The following VWC2L variants were observed in gnomAD, a reference collection of about 807,000 sequenced individuals.
VWC2L encodes von Willebrand factor C domain containing 2 like.
In VWC2L, 10 loss-of-function variants were observed where a neutral mutation model predicts 21.6. That is an observed-to-expected ratio of 0.46 (90% CI 0.29 to 0.78). VWC2L has a LOEUF of 0.78. VWC2L is among the 30% of genes least tolerant of loss of function. The probability of loss-of-function intolerance (pLI) is 0.10; values close to 1 mark genes in which losing one functional copy is unlikely to be tolerated. For synonymous variants in VWC2L, 96 were observed against 94.3 expected (o/e 1.02, Z -0.10); for missense variants, 209 against 277.1 (o/e 0.75, Z 1.74).
intron 3 of VWC2L, among the ~76,000 whole-genome samples, chr2:214,571,790 TTC>T (rs369932471): frequency 2.6e-5 from 4 of 151,278 alleles, no homozygotes; most frequent in Admixed American, 6.6e-5. Flanking sequence ...TTCATATTCA[TTC>T]TCTCTCTCTC....
chr2:214,549,463 G>A (rs1322446104), intron 3 of VWC2L, among the ~76,000 whole-genome samples: 1 of 152,212 alleles, frequency 6.6e-6, no homozygotes, highest in East Asian at 1.9e-4. Context: ...TTATGCTACT[G>A]CAAACAGACC....
At chr2:214,451,783 CAT>C (rs916045510) in intron 3 of VWC2L, among the ~76,000 whole-genome samples, 14 of 152,130 alleles carry the variant, frequency 9.2e-5, no homozygotes, top group African/African-American at 3.1e-4. Context: ...TTTCAAGTAA[CAT>C]ATTCTTTCTG....
At chr2:214,544,813 A>G (rs902247504) in intron 3 of VWC2L, among the ~76,000 whole-genome samples, 1 of 152,116 alleles carries the variant, frequency 6.6e-6, no homozygotes, top group African/African-American at 2.4e-5. Context: ...TACCAACCCT[A>G]CGAGGTAGAT....
At chr2:214,566,595 G>A (rs958060183) in intron 3 of VWC2L, among the ~76,000 whole-genome samples, 2 of 152,042 alleles carry the variant, frequency 1.3e-5, no homozygotes, top group Non-Finnish European at 2.9e-5. Context: ...TTTGTTTTTA[G>A]GTCTAATAAA....
intron 3 of VWC2L, among the ~76,000 whole-genome samples, chr2:214,542,169 T>C (rs1033968169): frequency 1.3e-5 from 2 of 152,192 alleles, no homozygotes; most frequent in African/African-American, 4.8e-5. Context: ...CTTGTCCTTG[T>C]GTGCAGTGCA....
At chr2:214,566,326 CA>C (rs991145251) in intron 3 of VWC2L, among the ~76,000 whole-genome samples, 1 of 152,108 alleles carries the variant, frequency 6.6e-6, no homozygotes, top group African/African-American at 2.4e-5. Flanking sequence ...AAAGAGCAGC[CA>C]ACCTTTACTT....
chr2:214,528,937 T>C (rs1440269839), intron 3 of VWC2L, among the ~76,000 whole-genome samples: 1 of 152,234 alleles, frequency 6.6e-6, no homozygotes, highest in Non-Finnish European at 1.5e-5. Context: ...ACTTCCACTA[T>C]ATGAAGTTGC....
At chr2:214,419,526 T>C (rs988340210) in intron 2 of VWC2L, among the ~76,000 whole-genome samples, 3 of 152,246 alleles carry the variant, frequency 2.0e-5, no homozygotes, top group African/African-American at 7.2e-5. Context: ...TTATACTACA[T>C]GTAGCTGAAA....
At chr2:214,518,836 T>C (rs1193011393) in intron 3 of VWC2L, among the ~76,000 whole-genome samples, 1 of 152,194 alleles carries the variant, frequency 6.6e-6, no homozygotes, top group Non-Finnish European at 1.5e-5. Context: ...AATTTATAAA[T>C]TGCAATGCAA....
In VWC2L at chr2:214,427,251, C is replaced by T. The variant is rs575542582; in HGVS notation, c.391-9378C>T. On this transcript the variant is annotated intron_variant, in intron 2 of 3. Transcript: ENST00000312504. ...TGTTCAGTGTAACTTTAATTTTCCC[C>T]CAACATTAAAAATAAAATCCTGCTA... 7.1e-4 allele frequency among the ~76,000 whole-genome samples: 108 copies of T among 152,188 alleles called. 1 individual carries two copies. The highest frequency in any genetic ancestry group is 2.6e-3 in the African/African-American group (107 of 41,520).
chr2:214,504,378 T>A (rs2105902536), intron 3 of VWC2L, among the ~76,000 whole-genome samples: 1 of 152,266 alleles, frequency 6.6e-6, no homozygotes, highest in Non-Finnish European at 1.5e-5. Context: ...GTGTTTAGAG[T>A]CTGCATCTGA....
chr2:214,511,979 G>A (rs1167574722), intron 3 of VWC2L, among the ~76,000 whole-genome samples: 2 of 149,584 alleles, frequency 1.3e-5, no homozygotes, highest in African/African-American at 4.9e-5. Context: ...AAAGAGTCAT[G>A]AACTTAATGC....
At position 214,578,711 on chromosome 2, in the gene VWC2L, C is replaced by A. The variant is rs886353572; in HGVS notation, c.*2891C>A. The stretch of plus-strand genomic sequence containing the variant: ...CAGCCACACTGTCATCTCTGTACTC[C>A]TATTTCTCCTCCGCCTTTGGTTCTC... On this transcript the variant is annotated 3_prime_UTR_variant, in exon 4 of 4. Coordinates refer to ENST00000312504, the MANE Select transcript of VWC2L (RefSeq NM_001080500.4). 6.6e-6 allele frequency: 1 copy of A among 152,074 alleles called. No individual in the cohort carries two copies. Among genetic ancestry groups the A allele is most frequent in the Admixed American group, 6.5e-5 (1 of 15,268 alleles). 9.4% of individuals were successfully genotyped at this position (152,074 alleles called of 1,614,324 possible). A position where few individuals can be genotyped will look rare whatever the true frequency, so the allele number is the denominator to read the frequency against.
chr2:214,476,876 C>T (rs1447083186), intron 3 of VWC2L, among the ~76,000 whole-genome samples: 1 of 152,074 alleles, frequency 6.6e-6, no homozygotes, highest in African/African-American at 2.4e-5. Flanking sequence ...GAACTTCAAA[C>T]ATTTATTTTG....
At chr2:214,427,100 A>T (rs1280454554) in intron 2 of VWC2L, among the ~76,000 whole-genome samples, 1 of 152,266 alleles carries the variant, frequency 6.6e-6, no homozygotes, top group East Asian at 1.9e-4. Context: ...AATTTTTAAA[A>T]AAGAAAATGC....
At chr2:214,475,894 A>T (rs561577868) in intron 3 of VWC2L, among the ~76,000 whole-genome samples, 3 of 152,338 alleles carry the variant, frequency 2.0e-5, no homozygotes, top group Admixed American at 6.5e-5. Flanking sequence ...GGTCACATTG[A>T]TATTGTCAAA....
intron 3 of VWC2L, among the ~76,000 whole-genome samples, chr2:214,507,167 T>C (rs915336996): frequency 2.6e-5 from 4 of 152,182 alleles, no homozygotes; most frequent in African/African-American, 2.4e-5. Flanking sequence ...ATTTAGAATA[T>C]TTAACATGTG....
At chr2:214,552,899 C>T (rs1056495544) in intron 3 of VWC2L, among the ~76,000 whole-genome samples, 2 of 152,178 alleles carry the variant, frequency 1.3e-5, no homozygotes, top group African/African-American at 4.8e-5. Flanking sequence ...TATAACTAAA[C>T]TCTAGACTTT....
At chr2:214,521,043 G>A (rs917792190) in intron 3 of VWC2L, among the ~76,000 whole-genome samples, 2 of 151,738 alleles carry the variant, frequency 1.3e-5, no homozygotes, top group African/African-American at 4.8e-5. Context: ...CTAACACGGT[G>A]AAACCCCATC....
Sources: gnomAD v4.1 joint callset for allele counts (sites outside exome capture counted in the v4.1 genomes callset) on GRCh38, gnomAD v4.1.1 for gene constraint, MANE v1.5 for transcripts, NCBI Gene and HGNC (gene_info 2026-07-23, HGNC 2026-07-21) for gene names.